Variants in PARP11 observed in about 807,000 individuals in gnomAD.
PARP11 encodes the protein poly(ADP-ribose) polymerase family member 11.
In PARP11, 31 loss-of-function variants were observed where a neutral mutation model predicts 42.9. The ratio of observed to expected loss-of-function variants is 0.72; its 90% CI spans 0.54 to 0.98. The LOEUF (loss-of-function observed/expected upper bound fraction) is 0.98, where lower values mean the gene tolerates loss of function less well. Ranked by LOEUF, PARP11 falls within the 50% of genes least tolerant of loss-of-function variation. PARP11 has a pLI of 0.00. For synonymous variants in PARP11, 137 were observed against 127.3 expected (o/e 1.08, Z -0.51); for missense variants, 365 against 413.1 (o/e 0.88, Z 1.01).
intron 1 of PARP11, chr12:3,872,981 T>G (rs1368538485): frequency 1.6e-5 from 3 of 187,670 alleles, no homozygotes; most frequent in African/African-American, 7.1e-5. Flanking sequence ...TCACGGGAAG[T>G]AAAATAAATA....
chr12:3,818,068 C>CAT (rs1565531230), intron 6 of PARP11, among the ~76,000 whole-genome samples: 1 of 152,202 alleles, frequency 6.6e-6, no homozygotes, highest in Non-Finnish European at 1.5e-5. Flanking sequence ...TCTGCCCTTA[C>CAT]ATTTGTACTG....
intron 1 of PARP11, among the ~76,000 whole-genome samples, chr12:3,836,062 C>CAT (rs1001243656): frequency 5.3e-5 from 8 of 151,610 alleles, no homozygotes; most frequent in Admixed American, 5.3e-4. Flanking sequence ...CACTCACACA[C>CAT]ATATATATGT....
intron 1 of PARP11, among the ~76,000 whole-genome samples, chr12:3,843,374 A>C (rs1399950559): frequency 1.3e-5 from 2 of 152,214 alleles, no homozygotes; most frequent in African/African-American, 4.8e-5. Context: ...CCACTTTAAC[A>C]CTAATGCACT....
intron 1 of PARP11, chr12:3,841,304 G>T: frequency 8.0e-7 from 1 of 1,255,000 alleles, no homozygotes; most frequent in Non-Finnish European, 1.2e-6. Context: ...AAGGCATACA[G>T]TTGTCCTGTG....
At chr12:3,844,787 C>T (rs1039734509) in intron 1 of PARP11, among the ~76,000 whole-genome samples, 2 of 152,168 alleles carry the variant, frequency 1.3e-5, no homozygotes, top group African/African-American at 4.8e-5. Flanking sequence ...AATAAAAGAA[C>T]TGACTTTTGA....
intron 1 of PARP11, chr12:3,839,959 G>A: frequency 4.6e-6 from 6 of 1,314,180 alleles, no homozygotes; most frequent in East Asian, 2.3e-5. Flanking sequence ...TGCTGCTGAT[G>A]TGAATGGATT....
Position 3,840,778 on chromosome 12 carries a change from A to G in PARP11, c.19-10760T>C, listed in dbSNP as rs1947869849. ...ACCCGAACCAAGCATATTGGAGAAT[A>G]TTACTGATGATAAATATGCAACAGT... On this transcript the variant is annotated intron_variant, in intron 1 of 7. Coordinates refer to ENST00000228820, the MANE Select transcript of PARP11 (RefSeq NM_020367.6). This position sits in a 1 kb window ranked among gnomAD's most constrained non-coding sequence, Gnocchi z 4.4. The G allele has an allele frequency of 6.5e-7, 1 of 1,550,346 alleles. No homozygotes were observed. The highest frequency in any genetic ancestry group is 2.2e-5 in the East Asian group (1 of 44,554).
intron 1 of PARP11, among the ~76,000 whole-genome samples, chr12:3,868,819 C>T (rs1948431162): frequency 6.6e-6 from 1 of 152,178 alleles, no homozygotes; most frequent in Admixed American, 6.5e-5. Flanking sequence ...GCCCCTTATC[C>T]CCCTCAGTAT....
At chr12:3,819,625 G>T (rs1192342417) in intron 6 of PARP11, among the ~76,000 whole-genome samples, 1 of 152,184 alleles carries the variant, frequency 6.6e-6, no homozygotes, top group Admixed American at 6.5e-5. Flanking sequence ...CTAAAATGCA[G>T]ATCAGATCCA....
intron 6 of PARP11, among the ~76,000 whole-genome samples, chr12:3,819,688 T>G (rs1947356013): frequency 6.6e-6 from 1 of 152,114 alleles, no homozygotes; most frequent in Non-Finnish European, 1.5e-5. Context: ...CAGGAAAAAA[T>G]CCAAACCTCT....
At chr12:3,871,615 A>G (rs1250446035) in intron 1 of PARP11, 1 of 152,198 alleles carries the variant, frequency 6.6e-6, no homozygotes, top group African/African-American at 2.4e-5. Flanking sequence ...GCACGACTGT[A>G]TTTAGTCCAA....
chr12:3,826,265 A>C, intron 3 of PARP11, 32 bp from the exon 4 acceptor site: 1 of 1,454,150 alleles, frequency 6.9e-7, no homozygotes, highest in Non-Finnish European at 9.4e-7. Context: ...TAGATAAGTC[A>C]TAAAAGTACA....
At chr12:3,817,278 T>C (rs7315816) in intron 6 of PARP11, among the ~76,000 whole-genome samples, 2,940 of 152,182 alleles carry the variant, frequency 0.019, 110 homozygotes, top group African/African-American at 0.068. Flanking sequence ...TTCTCTTAGA[T>C]ATTATAAATA....
chr12:3,846,945 C>T (rs2138085731), intron 1 of PARP11, among the ~76,000 whole-genome samples: 1 of 151,882 alleles, frequency 6.6e-6, no homozygotes, highest in Non-Finnish European at 1.5e-5. Flanking sequence ...ATTAGCTGGG[C>T]ACGTGCCTGT....
chr12:3,842,193 C>T, intron 1 of PARP11: 1 of 1,608,648 alleles, frequency 6.2e-7, no homozygotes, highest in Non-Finnish European at 8.5e-7. Flanking sequence ...TGTGGTCAGC[C>T]CTGGGGCCAA....
At chr12:3,828,869 A>C in intron 3 of PARP11, 41 bp downstream of exon 3, 1 of 1,571,418 alleles carries the variant, frequency 6.4e-7, no homozygotes, top group East Asian at 2.2e-5. Flanking sequence ...TTATCATATC[A>C]ATATACTAAA....
intron 1 of PARP11, among the ~76,000 whole-genome samples, chr12:3,863,032 T>A (rs1056104531): frequency 6.6e-6 from 1 of 152,202 alleles, no homozygotes; most frequent in Admixed American, 6.5e-5. Context: ...CTTATTTAGG[T>A]CTTAATTTTT....
At position 3,839,912 on chromosome 12, in the gene PARP11, C is replaced by G. The variant is rs997437603; in HGVS notation, c.19-9894G>C. On this transcript the variant is annotated intron_variant, in intron 1 of 7. Transcript: ENST00000228820. ...GAAGACAACAGTGAAATATCAGATT[C>G]AGAGGATGACAGCTGCAAGAGTAAA... 40 of 1,075,536 alleles carry G rather than the reference C, an allele frequency of 3.7e-5. 1 individual carries two copies. The highest frequency in any genetic ancestry group is 2.9e-6 in the Non-Finnish European group (2 of 688,202). 66.6% of individuals were successfully genotyped at this position (1,075,536 alleles called of 1,614,324 possible).
At chr12:3,867,533 C>T (rs919342357) in intron 1 of PARP11, among the ~76,000 whole-genome samples, 3 of 152,102 alleles carry the variant, frequency 2.0e-5, no homozygotes, top group Non-Finnish European at 4.4e-5. Flanking sequence ...TTTTAAATAG[C>T]GTGAACCTAC....
Sources: allele counts gnomAD v4.1 joint callset (sites outside exome capture counted in the v4.1 genomes callset), GRCh38; gene constraint gnomAD v4.1.1; non-coding constraint Gnocchi (gnomAD v3.1); transcripts MANE v1.5; gene names NCBI Gene and HGNC (gene_info 2026-07-23, HGNC 2026-07-21).